The following KCNMB3 variants were observed in gnomAD, a reference collection of about 807,000 sequenced individuals.
KCNMB3 encodes the protein calcium-activated potassium channel subunit beta-3.
A neutral mutation model predicts 11.9 loss-of-function variants in KCNMB3; 18 were observed. The ratio of observed to expected loss-of-function variants is 1.51; its 90% CI spans 1.04 to 2.23. The LOEUF is 2.23. Ranked by LOEUF, KCNMB3 falls within the 30% of genes most tolerant of loss-of-function variation. The pLI, the probability that KCNMB3 is intolerant of heterozygous loss-of-function variation, is 0.00. For synonymous variants in KCNMB3, 78 were observed against 119.2 expected, an observed-to-expected ratio of 0.65 and a Z score of 2.25; for missense variants, 247 against 329.4, an observed-to-expected ratio of 0.75 and a Z score of 1.94.
upstream of KCNMB3, chr3:179,251,550 C>T: frequency 7.5e-7 from 1 of 1,332,274 alleles, no homozygotes; most frequent in Non-Finnish European, 9.5e-7. Flanking sequence ...TTCATTTCTT[C>T]TCTCCTCTCT....
chr3:179,246,282 G>A (rs761500916), intron 1 of KCNMB3, among the ~76,000 whole-genome samples: 4 of 152,128 alleles, frequency 2.6e-5, no homozygotes, highest in East Asian at 1.9e-4. Flanking sequence ...CATGGTGGCC[G>A]GCACCTGTAA....
At chr3:179,266,771 GA>G (rs1461270674) in exon 1 of KCNMB3, 8 of 1,602,304 alleles carry the variant, frequency 5.0e-6, no homozygotes, top group African/African-American at 1.3e-5. Flanking sequence ...GCGGGCGCAA[GA>G]AAGGTGAAGC....
At chr3:179,246,079 A>G (rs2108441154) in intron 1 of KCNMB3, among the ~76,000 whole-genome samples, 1 of 152,292 alleles carries the variant, frequency 6.6e-6, no homozygotes, top group African/African-American at 2.4e-5. Flanking sequence ...GGTTCCTTAA[A>G]CATAATAAGT....
chr3:179,249,561 T>C (rs1725762530), intron 1 of KCNMB3, among the ~76,000 whole-genome samples: 1 of 151,858 alleles, frequency 6.6e-6, no homozygotes, highest in East Asian at 2.0e-4. Flanking sequence ...TAATCCCAGC[T>C]ACTCAGGAGG....
chr3:179,244,205 G>T (rs187520706), intron 2 of KCNMB3, among the ~76,000 whole-genome samples: 3 of 151,932 alleles, frequency 2.0e-5, no homozygotes, highest in African/African-American at 7.3e-5. Flanking sequence ...CATATGGCGC[G>T]GAGTGGAATC....
intron 1 of KCNMB3, chr3:179,266,536 ATCC>A: frequency 8.1e-7 from 1 of 1,236,894 alleles, no homozygotes; most frequent in South Asian, 1.4e-5. Flanking sequence ...GCAAGTGGGC[ATCC>A]TCAGAGAAAA....
At position 179,260,522 on chromosome 3, in the gene KCNMB3, T is replaced by A; in HGVS notation, c.62+6127A>T. On this transcript the variant is annotated intron_variant, in intron 1 of 3. Transcript: ENST00000349697. Reference sequence around the variant, plus strand: ...CTCTTTTCCCCACATTCGCCACGATTTCATTCTTCACCTCCACCTCACTGG... The same window carrying A: ...CTCTTTTCCCCACATTCGCCACGATATCATTCTTCACCTCCACCTCACTGG... 3 of 1,603,134 alleles carry A rather than the reference T, an allele frequency of 1.9e-6. No individual in the cohort carries two copies. In the South Asian group the frequency reaches 3.4e-5, roughly 18 times the overall value.
chr3:179,259,839 G>A, intron 1 of KCNMB3: 1 of 1,610,244 alleles, frequency 6.2e-7, no homozygotes, highest in Non-Finnish European at 8.5e-7. Flanking sequence ...TACTGTACTT[G>A]GACCTGTCGC....
chr3:179,253,997 T>C (rs1324381779), upstream of KCNMB3, among the ~76,000 whole-genome samples: 1 of 152,152 alleles, frequency 6.6e-6, no homozygotes, highest in Non-Finnish European at 1.5e-5. Context: ...ACAAAAACTA[T>C]GTGAAAGTAG....
upstream of KCNMB3, among the ~76,000 whole-genome samples, chr3:179,252,369 T>A (rs1008520402): frequency 1.3e-5 from 2 of 152,224 alleles, no homozygotes; most frequent in African/African-American, 4.8e-5. Context: ...AAAAGCTTAC[T>A]GCATTTTAAA....
chr3:179,263,797 TTTC>T (rs1413688581), intron 1 of KCNMB3, among the ~76,000 whole-genome samples: 4 of 132,318 alleles, frequency 3.0e-5, no homozygotes, highest in Non-Finnish European at 6.1e-5. Flanking sequence ...TTCTTTTTCT[TTTC>T]TTTTTTTTTT....
At position 179,242,782 on chromosome 3, in the gene KCNMB3, A is replaced by T. The variant is rs1228968498; in HGVS notation, c.*122T>A. 2 of 1,402,966 alleles carry T rather than the reference A, an allele frequency of 1.4e-6. No individual in the cohort carries two copies. Among genetic ancestry groups the T allele is most frequent in the Non-Finnish European group, 9.4e-7 (1 of 1,065,866 alleles). The allele number at this position is 1,402,966 out of a possible 1,614,324, so 86.9% of individuals were successfully genotyped here. On this transcript the variant is annotated 3_prime_UTR_variant, in exon 3 of 3. Transcript: ENST00000392685. ...ATGAGGCTTTTAAATTTTTTCCCAC[A>T]TGAAAATATGATACTTTAATTATTA...
chr3:179,266,637 G>T (rs766516155), intron 1 of KCNMB3: 2 of 1,613,962 alleles, frequency 1.2e-6, no homozygotes, highest in South Asian at 2.2e-5. Flanking sequence ...AGAGCTTCCG[G>T]AAGTGACTTA....
intron 1 of KCNMB3, chr3:179,261,390 C>T: frequency 9.2e-7 from 1 of 1,089,012 alleles, no homozygotes; most frequent in Non-Finnish European, 1.1e-6. Flanking sequence ...GAGCCACTCG[C>T]CGCGAAGTGA....
At chr3:179,240,381 ATATG>A (rs1451125073), downstream of KCNMB3, 17 of 239,318 alleles carry the variant, frequency 7.1e-5, no homozygotes, top group Non-Finnish European at 1.6e-5. Context: ...TTTAAGAAAT[ATATG>A]TATATACATA....
chr3:179,248,740 A>C (rs1304608946), intron 1 of KCNMB3, among the ~76,000 whole-genome samples: 1 of 151,960 alleles, frequency 6.6e-6, no homozygotes, highest in African/African-American at 2.4e-5. Context: ...AAAAAAAAAA[A>C]AAAAACTTAA....
intron 1 of KCNMB3, chr3:179,260,232 G>C: frequency 6.2e-7 from 1 of 1,613,904 alleles, no homozygotes; most frequent in Non-Finnish European, 8.5e-7. Context: ...TGGCTCAAGG[G>C]GAGTTCTGGT....
upstream of KCNMB3, chr3:179,267,008 C>A (rs751603659): frequency 1.4e-4 from 137 of 956,686 alleles, no homozygotes; most frequent in Non-Finnish European, 1.7e-4. Context: ...ACTGTGCTTG[C>A]CGCCACCTCA....
intron 1 of KCNMB3, chr3:179,259,477 C>T: frequency 6.2e-7 from 1 of 1,612,740 alleles, no homozygotes; most frequent in Non-Finnish European, 8.5e-7. Flanking sequence ...CCTTCTTGGT[C>T]AAGTTTTCCA....
Sources: gnomAD v4.1 joint callset for allele counts (sites outside exome capture counted in the v4.1 genomes callset) on GRCh38, gnomAD v4.1.1 for gene constraint, MANE v1.5 for transcripts, NCBI Gene and HGNC (gene_info 2026-07-23, HGNC 2026-07-21) for gene names.